Variants in MAP4K5 observed in about 807,000 individuals in gnomAD.
The protein encoded by MAP4K5 is mitogen-activated protein kinase kinase kinase kinase 5.
MAP4K5 carries 82 observed loss-of-function variants against 135.6 expected under a neutral mutation model. The observed-to-expected ratio is 0.60, with a 90% confidence interval of 0.51 to 0.73. The LOEUF is 0.73. Ranked by LOEUF, MAP4K5 falls within the 30% of genes least tolerant of loss-of-function variation. The pLI is 0.00. For synonymous variants in MAP4K5, 347 were observed against 335.0 expected, an observed-to-expected ratio of 1.04 and a Z score of -0.39; for missense variants, 907 against 1,010.9, an observed-to-expected ratio of 0.90 and a Z score of 1.39.
intron 3 of MAP4K5, among the ~76,000 whole-genome samples, chr14:50,503,151 A>G (rs1047364539): frequency 1.3e-5 from 2 of 152,040 alleles, no homozygotes; most frequent in African/African-American, 4.8e-5. Context: ...TGTAAAATAC[A>G]TGATGAAGAG....
At chr14:50,434,937 A>C (rs375781098) in intron 27 of MAP4K5, 25 bp downstream of exon 27, 58 of 1,500,924 alleles carry the variant, frequency 3.9e-5, no homozygotes, top group Non-Finnish European at 4.8e-5. Context: ...CTAAAGGAAA[A>C]AAATGTGAAC....
At chr14:50,508,363 C>A (rs1307726285) in intron 2 of MAP4K5, among the ~76,000 whole-genome samples, 7 of 152,040 alleles carry the variant, frequency 4.6e-5, no homozygotes, top group Non-Finnish European at 8.8e-5. Flanking sequence ...GTGGCACTTA[C>A]ACACAATGGA....
Position 50,471,128 on chromosome 14 carries a change from T to C in MAP4K5, c.543-2346A>G, listed in dbSNP as rs575150061. 3.3e-5 allele frequency among the ~76,000 whole-genome samples: 5 copies of C among 152,228 alleles called. No homozygotes were observed. In the East Asian group the frequency reaches 9.7e-4, roughly 29 times the overall value. On this transcript the variant is annotated intron_variant, in intron 9 of 32. Coordinates refer to ENST00000682126, the MANE Select transcript of MAP4K5 (RefSeq NM_006575.6). The stretch of plus-strand genomic sequence containing the variant: ...GATCAACCCATCACCTTGGTATTAA[T>C]ATTAAGCCCAGCATCCATTAGCTAT...
At chr14:50,448,506 G>A (rs1179161408) in intron 15 of MAP4K5, among the ~76,000 whole-genome samples, 2 of 151,258 alleles carry the variant, frequency 1.3e-5, no homozygotes, top group Non-Finnish European at 2.9e-5. Context: ...TTAAAGCTGA[G>A]AATCAAATTC....
At position 50,419,880 on chromosome 14, in the gene MAP4K5, T is replaced by C. The variant is rs1196318110; in HGVS notation, c.*139A>G. Reference sequence around the variant, plus strand: ...TCCAGCTGCAGAAAATATTGAATTCTACCCTAAAGTACAGATCATTTGCAA... The same window carrying C: ...TCCAGCTGCAGAAAATATTGAATTCCACCCTAAAGTACAGATCATTTGCAA... On this transcript the variant is annotated 3_prime_UTR_variant, in exon 33 of 33. Coordinates refer to ENST00000682126, the MANE Select transcript of MAP4K5 (RefSeq NM_006575.6). The C allele has an allele frequency of 1.6e-6, 1 of 624,324 alleles. No homozygotes were observed. Among genetic ancestry groups the C allele is most frequent in the Non-Finnish European group, 2.9e-6 (1 of 350,486 alleles). 38.7% of individuals were successfully genotyped at this position (624,324 alleles called of 1,614,324 possible).
chr14:50,520,731 G>C (rs1333352637), intron 2 of MAP4K5, among the ~76,000 whole-genome samples: 1 of 151,922 alleles, frequency 6.6e-6, no homozygotes, highest in Non-Finnish European at 1.5e-5. Flanking sequence ...ACAAGAGAAG[G>C]CACAGCAGGA....
At chr14:50,547,821 T>C (rs1473163043) in intron 1 of MAP4K5, among the ~76,000 whole-genome samples, 2 of 152,198 alleles carry the variant, frequency 1.3e-5, no homozygotes, top group African/African-American at 4.8e-5. Context: ...ATTCCTTTAG[T>C]GGAAGATTTA....
chr14:50,470,679 CA>C (rs2036939252), intron 9 of MAP4K5, among the ~76,000 whole-genome samples: 1 of 151,658 alleles, frequency 6.6e-6, no homozygotes, highest in Non-Finnish European at 1.5e-5. Context: ...CACACACACA[CA>C]CACACACACC....
At chr14:50,426,215 G>T (rs2035842852) in intron 30 of MAP4K5, among the ~76,000 whole-genome samples, 1 of 152,024 alleles carries the variant, frequency 6.6e-6, no homozygotes, top group African/African-American at 2.4e-5. Context: ...ATTTAAACAT[G>T]AACTAACTTC....
chr14:50,423,136 A>T lies in MAP4K5; in HGVS notation c.2438T>A (p.Leu813Ter). The T allele has an allele frequency of 6.4e-7, 1 of 1,572,228 alleles. No homozygotes were observed. The highest frequency in any genetic ancestry group is 8.7e-7 in the Non-Finnish European group (1 of 1,147,518). The change falls in exon 32 of 33, where the codon TTA becomes TAA. Residue 813 changes from leucine to a stop codon, truncating the protein, a stop_gained. Coordinates refer to ENST00000682126, the MANE Select transcript of MAP4K5 (RefSeq NM_006575.6). LOFTEE classifies it high-confidence loss of function. ...AAACTATTACCTGTCTGATCCTAATAAGCGGAAAACTCTTGTTTCATCTGA... is the reference window on the plus strand; with the variant it reads ...AAACTATTACCTGTCTGATCCTAATTAGCGGAAAACTCTTGTTTCATCTGA... ...EISDETRVFR[L>*]LGSDRVVVLE...
chr14:50,492,579 A>C (rs1271968537), intron 3 of MAP4K5, among the ~76,000 whole-genome samples: 7 of 116,022 alleles, frequency 6.0e-5, no homozygotes, highest in African/African-American at 2.4e-4. Flanking sequence ...GTAACACAGC[A>C]AGACCCCATC....
At position 50,437,536 on chromosome 14, in the gene MAP4K5, TG is replaced by T; in HGVS notation, c.1824-3del. The T allele has an allele frequency of 6.3e-7, 1 of 1,593,768 alleles. No individual in the cohort carries two copies. The highest frequency in any genetic ancestry group is 1.1e-5 in the South Asian group (1 of 87,618). On this transcript the variant is annotated splice_polypyrimidine_tract_variant and splice_region_variant and intron_variant, in intron 25 of 32. Coordinates refer to ENST00000682126, the MANE Select transcript of MAP4K5 (RefSeq NM_006575.6). Reference sequence around the variant, plus strand: ...ATCTTTGTTGTTAAAGCGAATTTTCTGAAAACGTAAGACGATATAAATGCAC... The same window carrying T: ...ATCTTTGTTGTTAAAGCGAATTTTCTAAAACGTAAGACGATATAAATGCAC...
intron 32 of MAP4K5, among the ~76,000 whole-genome samples, chr14:50,421,944 T>G (rs2035743767): frequency 6.6e-6 from 1 of 151,074 alleles, no homozygotes; most frequent in Non-Finnish European, 1.5e-5. Flanking sequence ...CAGGCTGAAG[T>G]GCAGTGGTGC....
intron 3 of MAP4K5, among the ~76,000 whole-genome samples, chr14:50,501,560 A>T (rs1276027442): frequency 1.3e-5 from 2 of 152,182 alleles, no homozygotes; most frequent in East Asian, 1.9e-4. Flanking sequence ...ACAAAAGTCA[A>T]ATATAATTTT....
intron 28 of MAP4K5, among the ~76,000 whole-genome samples, chr14:50,431,207 T>G (rs1010268041): frequency 1.6e-4 from 25 of 152,320 alleles, no homozygotes; most frequent in African/African-American, 5.8e-4. Context: ...CATACTGTTT[T>G]TAAGTACTTT....
rs773913983 is a variant in MAP4K5 at position 50,444,055 on chromosome 14, A to G, written c.1340-19T>C. On this transcript the variant is annotated intron_variant, in intron 18 of 32. Transcript: ENST00000682126. ...CCATTTCCTAAAGAGAATCATGTTA[A>G]AAGTTGAATGACCACACAAATAAGC... 8 of 1,519,690 alleles carry G rather than the reference A, an allele frequency of 5.3e-6. No individual in the cohort carries two copies. Among genetic ancestry groups the G allele is most frequent in the Non-Finnish European group, 7.2e-6 (8 of 1,105,482 alleles). The allele number at this position is 1,519,690 out of a possible 1,614,324, so 94.1% of individuals were successfully genotyped here. A position where few individuals can be genotyped will look rare whatever the true frequency, so the allele number is the denominator to read the frequency against.
chr14:50,448,866 G>A (rs946447026), intron 14 of MAP4K5, 34 bp from the exon 15 acceptor site: 5 of 1,098,780 alleles, frequency 4.6e-6, no homozygotes, highest in Non-Finnish European at 6.7e-6. Context: ...TACAAACTCA[G>A]CATCTCAAAG....
intron 13 of MAP4K5, among the ~76,000 whole-genome samples, 185 bp downstream of exon 13, chr14:50,462,480 C>T (rs2036732204): frequency 6.6e-6 from 1 of 151,908 alleles, no homozygotes; most frequent in Non-Finnish European, 1.5e-5. Flanking sequence ...CTGGTTATAC[C>T]ACAATAAAAA....
chr14:50,476,247 A>C lies in MAP4K5; in HGVS notation c.426+12T>G, dbSNP rs1274609745. On this transcript the variant is annotated intron_variant, in intron 7 of 32. Coordinates refer to ENST00000682126, the MANE Select transcript of MAP4K5 (RefSeq NM_006575.6). Reference sequence around the variant, plus strand: ...ATAGAATTGGCAATTTAAATGTATTAAATGAACTTACTTTGATATCTCTAT... The same window carrying C: ...ATAGAATTGGCAATTTAAATGTATTCAATGAACTTACTTTGATATCTCTAT... The C allele has an allele frequency of 6.7e-7, 1 of 1,501,876 alleles. No homozygotes were observed. Among genetic ancestry groups the C allele is most frequent in the South Asian group, 1.3e-5 (1 of 76,076 alleles). 93.0% of individuals were successfully genotyped at this position (1,501,876 alleles called of 1,614,324 possible).
Sources: allele counts gnomAD v4.1 joint callset (sites outside exome capture counted in the v4.1 genomes callset), GRCh38; gene constraint gnomAD v4.1.1; transcripts MANE v1.5; gene names NCBI Gene and HGNC (gene_info 2026-07-23, HGNC 2026-07-21).